COL12A1: variants seen among roughly 807,000 people sequenced by gnomAD.
COL12A1 encodes the protein collagen type XII alpha 1 chain.
COL12A1 carries 114 observed loss-of-function variants against 349.7 expected under a neutral mutation model. That is an observed-to-expected ratio of 0.33 (90% CI 0.28 to 0.38). The LOEUF (loss-of-function observed/expected upper bound fraction) is 0.38, where lower values mean the gene tolerates loss of function less well. COL12A1 is among the 10% of genes least tolerant of loss of function. The probability of loss-of-function intolerance (pLI) is 1.00; values close to 1 mark genes in which losing one functional copy is unlikely to be tolerated. For missense variants in COL12A1, 3,284 were observed against 3,756.9 expected, an observed-to-expected ratio of 0.87 and a Z score of 3.29; for synonymous variants, 1,369 against 1,329.0, an observed-to-expected ratio of 1.03 and a Z score of -0.66.
In COL12A1 at chr6:75,142,146, A is replaced by G; in HGVS notation, c.4843T>C (p.Ser1615Pro). ...TCTTTGAGGGAAGTGCTGGTCTCTG[A>G]TCTGTCCACCTCTACCTATAACAGT... is the stretch of plus-strand genomic sequence containing the variant. Reference protein sequence around the residue: ...EDVKEVEVDRSETSTSLKDLF... With the variant: ...EDVKEVEVDRPETSTSLKDLF... Residue 1615 changes from serine to proline, a missense_variant, in exon 27 of 66, where the codon TCA becomes CCA. Physicochemically the swap from Ser to Pro is moderately conservative, Grantham distance 74. This residue lies in a region of COL12A1 where 2,601 missense variants were observed against 2,824.8 expected (regional missense o/e 0.92). Coordinates refer to ENST00000322507, the MANE Select transcript of COL12A1 (RefSeq NM_004370.6). 6.2e-7 allele frequency: 1 copy of G among 1,614,116 alleles called. No individual in the cohort carries two copies. The highest frequency in any genetic ancestry group is 1.1e-5 in the South Asian group (1 of 91,084).
rs914730958 is a variant in COL12A1, at chr6:75,130,772, C to G, written c.6067+80G>C. Reference sequence around the variant, plus strand: ...AAAGCACCCATCTCTCACCACCCCCCTCCCACCACTCATTCAATCAGAGAA... The same window carrying G: ...AAAGCACCCATCTCTCACCACCCCCGTCCCACCACTCATTCAATCAGAGAA... On this transcript the variant is annotated intron_variant, in intron 36 of 65. Coordinates refer to ENST00000322507, the MANE Select transcript of COL12A1 (RefSeq NM_004370.6). The G allele has an allele frequency of 7.0e-6, 11 of 1,567,736 alleles. No homozygotes were observed. In the African/African-American group the frequency reaches 1.2e-4, roughly 17 times the overall value.
chr6:75,086,824 T>C (rs1368369221), intron 65 of COL12A1, among the ~76,000 whole-genome samples: 1 of 151,964 alleles, frequency 6.6e-6, no homozygotes, highest in Non-Finnish European at 1.5e-5. Flanking sequence ...CATATAAATA[T>C]ATAGATATAT....
Position 75,103,777 on chromosome 6 carries a change from T to G in COL12A1, c.8299A>C (p.Arg2767=). Reference sequence around the variant, plus strand: ...CTTACAATTGCCCCACTGATACCTCTTTCACCTCTGGGACCTTTAGCACCA... The same window carrying G: ...CTTACAATTGCCCCACTGATACCTCGTTCACCTCTGGGACCTTTAGCACCA... ...GPGAKGPRGE[R]GISGAIGPPG... The change falls in exon 55 of 66, where the codon AGA becomes CGA. Residue 2767 remains arginine (R), a synonymous_variant. Transcript: ENST00000322507. The G allele has an allele frequency of 6.2e-7, 1 of 1,613,448 alleles. No homozygotes were observed. The highest frequency in any genetic ancestry group is 8.5e-7 in the Non-Finnish European group (1 of 1,179,482).
Position 75,102,477 on chromosome 6 carries a change from G to A in COL12A1, c.8415+120C>T, listed in dbSNP as rs143271909. The A allele has an allele frequency of 5.8e-5, 38 of 654,590 alleles. No homozygotes were observed. The South Asian group carries it at 7.0e-4, about 12-fold the overall frequency. The allele number at this position is 654,590 out of a possible 1,614,324, so 40.5% of individuals were successfully genotyped here. A position where few individuals can be genotyped will look rare whatever the true frequency, so the allele number is the denominator to read the frequency against. On this transcript the variant is annotated intron_variant, in intron 56 of 65. Coordinates refer to ENST00000322507, the MANE Select transcript of COL12A1 (RefSeq NM_004370.6). The stretch of plus-strand genomic sequence containing the variant: ...CAGTCATCATAGAGGCTGCTATCTC[G>A]GTGACTAACCTCGTTGAATTATCTG...
intron 4 of COL12A1, 46 bp from the exon 5 acceptor site, chr6:75,191,806 A>T (rs771065755): frequency 7.8e-7 from 1 of 1,282,918 alleles, no homozygotes; most frequent in Admixed American, 2.3e-5. Flanking sequence ...ACCCAAGCAG[A>T]TATTCTCTTT....
intron 58 of COL12A1, among the ~76,000 whole-genome samples, chr6:75,100,234 GA>G (rs1768245535): frequency 6.6e-6 from 1 of 152,172 alleles, no homozygotes. Flanking sequence ...GCCTGATGGT[GA>G]TGGCTGTCTG....
chr6:75,118,406 A>T (rs662965), intron 46 of COL12A1, among the ~76,000 whole-genome samples: 9,135 of 152,280 alleles, frequency 0.06, 587 homozygotes, highest in African/African-American at 0.17. Context: ...CAAATTATGC[A>T]TAAGATTCTC....
chr6:75,179,718 C>T (rs1162771666), intron 11 of COL12A1, among the ~76,000 whole-genome samples: 5 of 152,126 alleles, frequency 3.3e-5, no homozygotes, highest in African/African-American at 4.8e-5. Flanking sequence ...CTCCTATTCC[C>T]AGTCAAAAGA....
rs775579405 is a variant in COL12A1 at position 75,113,744 on chromosome 6, T to G, written c.7698A>C (p.Ala2566=). The G allele has an allele frequency of 5.7e-6, 9 of 1,565,552 alleles. No homozygotes were observed. The highest frequency in any genetic ancestry group is 1.7e-4 in the Middle Eastern group (1 of 5,820). Residue 2566 remains alanine, a splice_region_variant and synonymous_variant, in exon 50 of 66, where the codon GCA becomes GCC. Coordinates refer to ENST00000322507, the MANE Select transcript of COL12A1 (RefSeq NM_004370.6). The part of the protein sequence containing the change: ...QKNAFVNQPT[A]DLHPNGLPPS... ...GAGGGAGTCCATTTGGGTGTAGGTC[T>G]CTGTTGGATAAAACAAAAGAAAGAA...
intron 13 of COL12A1, among the ~76,000 whole-genome samples, chr6:75,173,742 A>G (rs1768765968): frequency 6.6e-6 from 1 of 152,184 alleles, no homozygotes; most frequent in Non-Finnish European, 1.5e-5. Flanking sequence ...GAAGTTTCTA[A>G]GAACTGCCTA....
In COL12A1 at chr6:75,095,149, G is replaced by T; in HGVS notation, c.8608C>A (p.Pro2870Thr). 6.2e-7 allele frequency: 1 copy of T among 1,614,022 alleles called. No homozygotes were observed. The highest frequency in any genetic ancestry group is 8.5e-7 in the Non-Finnish European group (1 of 1,179,992). Residue 2870 changes from proline to threonine, a missense_variant, in exon 60 of 66, where the codon CCA (proline) becomes ACA (threonine). Around this residue, in one of 2 missense-constraint regions of COL12A1, gnomAD observed 683 missense variants for 932.1 expected, o/e 0.73. Transcript: ENST00000322507. ...CCAGGTTTTCCTGGCTTCCCACTTG[G>T]TCCTGTGACTCCTGGGGAGCCTGGG... ...GSPGSPGVTGPSGKPGKPGDH... is the reference protein window; with the variant it reads ...GSPGSPGVTGTSGKPGKPGDH...
intron 60 of COL12A1, among the ~76,000 whole-genome samples, chr6:75,092,824 T>C (rs1767838743): frequency 1.3e-5 from 2 of 151,132 alleles, no homozygotes; most frequent in Non-Finnish European, 2.9e-5. Flanking sequence ...TTCCTTATCA[T>C]GGGCTACATG....
In COL12A1 at chr6:75,127,752, A is replaced by G. The variant is rs143052193; in HGVS notation, c.6340+544T>C. ...CACATTAGAGAATTTTTAAACCCTA[A>G]GAAATTACCACCAGTATAGTGTAAA... On this transcript the variant is annotated intron_variant, in intron 38 of 65. Coordinates refer to ENST00000322507, the MANE Select transcript of COL12A1 (RefSeq NM_004370.6). 5.3e-3 allele frequency among the ~76,000 whole-genome samples: 808 copies of G among 152,306 alleles called. 26 individuals carry two copies. Among genetic ancestry groups the G allele is most frequent in the Admixed American group, 0.044 (674 of 15,284 alleles).
At chr6:75,133,732 G>T (rs1200171243) in intron 33 of COL12A1, 126 bp downstream of exon 33, 3 of 1,113,452 alleles carry the variant, frequency 2.7e-6, no homozygotes, top group Non-Finnish European at 2.6e-6. Context: ...CCTCTATAAA[G>T]TCTTATTAAA....
rs1767449910 is a variant in COL12A1, at chr6:75,085,583, C to A, written c.*964G>T. ...AAAAAAAAAACCTTCAAAAATCCAGCAGTAAACACAATCATTGCACAAATA... is the reference window on the plus strand; with the variant it reads ...AAAAAAAAAACCTTCAAAAATCCAGAAGTAAACACAATCATTGCACAAATA... On this transcript the variant is annotated 3_prime_UTR_variant, in exon 66 of 66. Transcript: ENST00000322507. The A allele has an allele frequency of 3.1e-6, 1 of 324,202 alleles. No individual in the cohort carries two copies. Among genetic ancestry groups the A allele is most frequent in the Non-Finnish European group, 6.2e-6 (1 of 160,916 alleles). The allele number at this position is 324,202 out of a possible 1,614,324, so 20.1% of individuals were successfully genotyped here.
At chr6:75,198,710 G>A (rs1437992753) in intron 2 of COL12A1, among the ~76,000 whole-genome samples, 1 of 152,124 alleles carries the variant, frequency 6.6e-6, no homozygotes, top group Non-Finnish European at 1.5e-5. Context: ...GATGAATGAA[G>A]GGAAGGATGG....
Position 75,085,261 on chromosome 6 carries a change from C to T in COL12A1, c.*1286G>A. 1 of 470,910 alleles carries T rather than the reference C, an allele frequency of 2.1e-6. No homozygotes were observed. The allele number at this position is 470,910 out of a possible 1,614,324, so 29.2% of individuals were successfully genotyped here. A position where few individuals can be genotyped will look rare whatever the true frequency, so the allele number is the denominator to read the frequency against. ...GGCTCAGGAGGCTCCTCTGCAGGCTCGTCTGCGCCGTAGTCCTCGTATTCC... is the reference window on the plus strand; with the variant it reads ...GGCTCAGGAGGCTCCTCTGCAGGCTTGTCTGCGCCGTAGTCCTCGTATTCC... On this transcript the variant is annotated 3_prime_UTR_variant, in exon 66 of 66. Transcript: ENST00000322507.
rs2149452205 is a variant in COL12A1, at chr6:75,175,227, C to G, written c.2521G>C (p.Val841Leu). 6.2e-7 allele frequency: 1 copy of G among 1,614,198 alleles called. No individual in the cohort carries two copies. The highest frequency in any genetic ancestry group is 8.5e-7 in the Non-Finnish European group (1 of 1,180,036). Reference sequence around the variant, plus strand: ...GTATATGTGACGAGATACTGTTTCACTTTTCCTGGTGCCCCACTCCAAGAT... The same window carrying G: ...GTATATGTGACGAGATACTGTTTCAGTTTTCCTGGTGCCCCACTCCAAGAT... Reference protein sequence around the residue: ...KLSWSGAPGKVKQYLVTYTPV... With the variant: ...KLSWSGAPGKLKQYLVTYTPV... Residue 841 changes from valine to leucine, a missense_variant, in exon 13 of 66, where the codon GTG becomes CTG. Val to Leu is a conservative substitution (Grantham distance 32). Transcript: ENST00000322507.
intron 65 of COL12A1, among the ~76,000 whole-genome samples, 199 bp from the exon 66 acceptor site, chr6:75,086,756 G>A (rs1767516632): frequency 6.6e-6 from 1 of 150,996 alleles, no homozygotes; most frequent in African/African-American, 2.4e-5. Flanking sequence ...TTTTTTGAAT[G>A]GGTTGCATGG....
Sources: gnomAD v4.1 joint callset for allele counts (sites outside exome capture counted in the v4.1 genomes callset) on GRCh38, gnomAD v4.1.1 for gene constraint, gnomAD v4.1.1 regional missense constraint, MANE v1.5 for transcripts, NCBI Gene and HGNC (gene_info 2026-07-23, HGNC 2026-07-21) for gene names.